FOLH1: variants seen among roughly 807,000 people sequenced by gnomAD.
FOLH1 encodes folate hydrolase 1, also known as glutamate carboxypeptidase 2.
FOLH1 carries 54 observed loss-of-function variants against 93.9 expected under a neutral mutation model. The observed-to-expected ratio is 0.57, with a 90% CI of 0.46 to 0.72. FOLH1 has a LOEUF of 0.72. FOLH1 is among the 30% of genes least tolerant of loss of function. The pLI is 0.00. For synonymous variants in FOLH1, 249 were observed against 303.6 expected (o/e 0.82, Z 1.87); for missense variants, 571 against 892.5 (o/e 0.64, Z 4.59).
At chr11:49,173,243 G>C in intron 10 of FOLH1, 114 bp downstream of exon 10, 3 of 1,138,052 alleles carry the variant, frequency 2.6e-6, no homozygotes. Context: ...AATTGTATTA[G>C]TATTTTTACC....
At chr11:49,161,336 C>A (rs189374298) in intron 13 of FOLH1, among the ~76,000 whole-genome samples, 1 of 152,216 alleles carries the variant, frequency 6.6e-6, no homozygotes, top group East Asian at 1.9e-4. Context: ...ATATTTAGGA[C>A]AGTAAGCTCT....
At chr11:49,205,190 G>A (rs963616805) in intron 2 of FOLH1, among the ~76,000 whole-genome samples, 9 of 151,262 alleles carry the variant, frequency 5.9e-5, no homozygotes, top group African/African-American at 1.7e-4. Flanking sequence ...GGCAACAAGA[G>A]CGAAACTCCA....
At chr11:49,177,911 C>T (rs1338939835) in intron 7 of FOLH1, among the ~76,000 whole-genome samples, 2 of 148,900 alleles carry the variant, frequency 1.3e-5, no homozygotes, top group Non-Finnish European at 3.0e-5. Context: ...TGCGGTGAAG[C>T]GAGATCACGT....
chr11:49,156,047 G>C (rs1242933752), intron 15 of FOLH1, among the ~76,000 whole-genome samples: 2 of 151,540 alleles, frequency 1.3e-5, no homozygotes, highest in African/African-American at 2.4e-5. Context: ...CATGTGAGCT[G>C]ATGGTTTTAT....
chr11:49,160,267 A>G (rs1297393153), intron 13 of FOLH1, among the ~76,000 whole-genome samples: 1 of 151,914 alleles, frequency 6.6e-6, no homozygotes, highest in Non-Finnish European at 1.5e-5. Context: ...ATTTTTTTCA[A>G]AAAATCAGCT....
intron 2 of FOLH1, among the ~76,000 whole-genome samples, chr11:49,204,206 TG>T (rs1252296762): frequency 2.0e-5 from 3 of 152,138 alleles, no homozygotes; most frequent in Non-Finnish European, 4.4e-5. Flanking sequence ...CACAGTTAAG[TG>T]GGGCACTTGG....
At position 49,153,927 on chromosome 11, in the gene FOLH1, T is replaced by A; in HGVS notation, c.1889A>T (p.Asp630Val). 1 of 1,600,248 alleles carries A rather than the reference T, an allele frequency of 6.2e-7. No individual in the cohort carries two copies. The highest frequency in any genetic ancestry group is 8.5e-7 in the Non-Finnish European group (1 of 1,173,942). Reference sequence around the variant, plus strand: ...ATTCTTTACTGCAGAAAAAAGTGAATCTGAAATAGAAATTGGGATCATCAA... The same window carrying A: ...ATTCTTTACTGCAGAAAAAAGTGAAACTGAAATAGAAATTGGGATCATCAA... ...QEMKTYSVSFDSLFSAVKNFT... is the reference protein window; with the variant it reads ...QEMKTYSVSFVSLFSAVKNFT... The change falls in exon 17 of 19, where the codon GAT becomes GTT. Residue 630 changes from aspartate to valine, a missense_variant and splice_region_variant. Around this residue, in one of 2 missense-constraint regions of FOLH1, gnomAD observed 500 missense variants for 822.9 expected, o/e 0.61. Transcript: ENST00000256999.
At chr11:49,204,763 CAT>C (rs1491180168) in intron 2 of FOLH1, among the ~76,000 whole-genome samples, 1 of 152,028 alleles carries the variant, frequency 6.6e-6, no homozygotes, top group Non-Finnish European at 1.5e-5. Context: ...TACCTATGTG[CAT>C]GTGTGTGTGT....
chr11:49,169,287 A>G (rs2135053675), intron 11 of FOLH1, 29 bp from the exon 12 acceptor site: 1 of 1,604,374 alleles, frequency 6.2e-7, no homozygotes. Flanking sequence ...CTATAAATAT[A>G]AAGTTATAAC....
chr11:49,202,388 A>T (rs1321424538), intron 2 of FOLH1, among the ~76,000 whole-genome samples: 1 of 152,092 alleles, frequency 6.6e-6, no homozygotes, highest in Non-Finnish European at 1.5e-5. Context: ...ATGTGTTTCT[A>T]GTATTGTCAC....
chr11:49,197,446 T>C (rs537426033), intron 3 of FOLH1, among the ~76,000 whole-genome samples: 1 of 152,202 alleles, frequency 6.6e-6, no homozygotes, highest in African/African-American at 2.4e-5. Context: ...ACAATATTAG[T>C]TTATAATTTC....
intron 12 of FOLH1, among the ~76,000 whole-genome samples, chr11:49,167,751 C>T (rs1429091449): frequency 6.6e-6 from 1 of 151,910 alleles, no homozygotes; most frequent in Non-Finnish European, 1.5e-5. Flanking sequence ...GAAATCAAGA[C>T]TAGTGAGCCA....
chr11:49,152,895 C>A (rs1479040683), intron 17 of FOLH1, among the ~76,000 whole-genome samples: 1 of 152,002 alleles, frequency 6.6e-6, no homozygotes, highest in Non-Finnish European at 1.5e-5. Context: ...ATGTGAAGTG[C>A]GATTCTGAAT....
At chr11:49,165,184 C>G (rs1312993735) in intron 12 of FOLH1, among the ~76,000 whole-genome samples, 3 of 152,178 alleles carry the variant, frequency 2.0e-5, no homozygotes, top group South Asian at 2.1e-4. Context: ...TAGCCACTCT[C>G]TCTTTTAACC....
chr11:49,164,848 A>G (rs1858169403), intron 12 of FOLH1, 76 bp from the exon 13 acceptor site: 1 of 1,113,020 alleles, frequency 9.0e-7, no homozygotes, highest in Admixed American at 2.2e-5. Flanking sequence ...CCACTGCTAA[A>G]TTCCTACCAG....
At chr11:49,186,827 G>A (rs61886509) in intron 4 of FOLH1, 58 bp from the exon 5 acceptor site, 67,576 of 1,522,212 alleles carry the variant, frequency 0.044, 1,039 homozygotes, top group Non-Finnish European at 0.051. Flanking sequence ...AGGTTTTTCT[G>A]CATGGGGACT....
intron 12 of FOLH1, among the ~76,000 whole-genome samples, chr11:49,165,662 C>T (rs534029305): frequency 1.3e-5 from 2 of 152,228 alleles, no homozygotes; most frequent in Non-Finnish European, 2.9e-5. Context: ...ATAGCCTGTG[C>T]GAATGCCCAG....
Position 49,164,789 on chromosome 11 carries a change from G to T in FOLH1, c.1373-17C>A, listed in dbSNP as rs1309317173. On this transcript the variant is annotated splice_polypyrimidine_tract_variant and intron_variant, in intron 12 of 18. Coordinates refer to ENST00000256999, the MANE Select transcript of FOLH1 (RefSeq NM_004476.3). The stretch of plus-strand genomic sequence containing the variant: ...TGTAGTTTCCTGAAAAATAAGAAAA[G>T]AATAGATTTTAAAATTTAATTTCTT... 11 of 1,558,282 alleles carry T rather than the reference G, an allele frequency of 7.1e-6. No individual in the cohort carries two copies. Among genetic ancestry groups the T allele is most frequent in the Admixed American group, 1.7e-5 (1 of 57,548 alleles).
At chr11:49,155,817 T>C (rs1456346609) in intron 15 of FOLH1, among the ~76,000 whole-genome samples, 1 of 133,028 alleles carries the variant, frequency 7.5e-6, no homozygotes, top group African/African-American at 2.7e-5. Flanking sequence ...TATATATATA[T>C]ATATATATAT....
Sources: allele counts gnomAD v4.1 joint callset (sites outside exome capture counted in the v4.1 genomes callset), GRCh38; gene constraint gnomAD v4.1.1; regional missense constraint gnomAD v4.1.1; transcripts MANE v1.5; gene names NCBI Gene and HGNC (gene_info 2026-07-23, HGNC 2026-07-21).